Variants in NEDD4 observed in about 807,000 individuals in gnomAD.
NEDD4 encodes E3 ubiquitin-protein ligase NEDD4.
A neutral mutation model predicts 144.9 loss-of-function variants in NEDD4; 99 were observed. That is an observed-to-expected ratio of 0.68 (90% CI 0.58 to 0.81). NEDD4 has a LOEUF of 0.81. Among genes scored for constraint, NEDD4 ranks in the 30% least tolerant of loss-of-function variants. NEDD4 has a pLI of 0.00. For missense variants in NEDD4, 985 were observed against 1,065.9 expected (o/e 0.92, Z 1.06); for synonymous variants, 318 against 350.6 (o/e 0.91, Z 1.04).
intron 1 of NEDD4, among the ~76,000 whole-genome samples, chr15:55,979,263 G>A (rs7177177): frequency 0.14 from 20,232 of 147,678 alleles, 1,514 homozygotes; most frequent in East Asian, 0.33. Context: ...AACTGTAAAA[G>A]CACACACAGA....
intron 4 of NEDD4, among the ~76,000 whole-genome samples, chr15:55,936,022 T>C (rs2036883225): frequency 6.6e-6 from 1 of 151,990 alleles, no homozygotes; most frequent in African/African-American, 2.4e-5. Context: ...ACCAACCTTC[T>C]TCTATGCTTC....
At chr15:55,839,986 A>G (rs2033397082) in intron 21 of NEDD4, among the ~76,000 whole-genome samples, 2 of 51,462 alleles carry the variant, frequency 3.9e-5, no homozygotes, top group Non-Finnish European at 7.1e-5. Flanking sequence ...AAAAAAAAAA[A>G]AAAAAAAAAA....
At chr15:55,870,658 T>C (rs928705721) in intron 7 of NEDD4, among the ~76,000 whole-genome samples, 13 of 151,636 alleles carry the variant, frequency 8.6e-5, no homozygotes, top group African/African-American at 3.1e-4. Context: ...CTTAGCCTCC[T>C]AAATAACTGG....
chr15:55,915,225 A>C, intron 5 of NEDD4: 1 of 1,440,514 alleles, frequency 6.9e-7, no homozygotes, highest in Non-Finnish European at 9.3e-7. Context: ...TGTTCTCCAA[A>C]TATTTCATTA....
chr15:55,892,614 G>A (rs1223401796), intron 5 of NEDD4, among the ~76,000 whole-genome samples: 2 of 151,130 alleles, frequency 1.3e-5, no homozygotes, highest in African/African-American at 4.9e-5. Context: ...CACATACACC[G>A]AGTACAAAAT....
intron 1 of NEDD4, among the ~76,000 whole-genome samples, chr15:55,979,917 CT>C (rs11425037): frequency 2.9e-4 from 42 of 146,330 alleles, no homozygotes; most frequent in Middle Eastern, 3.5e-3. Context: ...ATAATTATTA[CT>C]TTTTTTTTTT....
intron 21 of NEDD4, among the ~76,000 whole-genome samples, chr15:55,840,127 G>A (rs2141980824): frequency 6.8e-6 from 1 of 147,070 alleles, no homozygotes; most frequent in African/African-American, 2.5e-5. Flanking sequence ...TTAGTGGGAT[G>A]TTTAATGTTA....
chr15:55,859,494 GA>G (rs1313787789), intron 11 of NEDD4, among the ~76,000 whole-genome samples: 13 of 152,158 alleles, frequency 8.5e-5, no homozygotes, highest in African/African-American at 3.1e-4. Flanking sequence ...AGGAGTTCAA[GA>G]CTAGCCTGGC....
intron 1 of NEDD4, among the ~76,000 whole-genome samples, chr15:55,975,802 A>T (rs2037689400): frequency 1.3e-5 from 2 of 152,244 alleles, no homozygotes; most frequent in South Asian, 2.1e-4. Flanking sequence ...ATGGAATCAC[A>T]AAAGACCCAG....
chr15:55,984,988 A>G (rs1335883440), intron 1 of NEDD4, among the ~76,000 whole-genome samples: 1 of 152,232 alleles, frequency 6.6e-6, no homozygotes, highest in Admixed American at 6.5e-5. Context: ...ATGCTATAGA[A>G]TATTTCTGAG....
At chr15:55,837,014 ATCTG>A (rs368738664) in intron 24 of NEDD4, among the ~76,000 whole-genome samples, 3 of 152,320 alleles carry the variant, frequency 2.0e-5, no homozygotes, top group African/African-American at 4.8e-5. Flanking sequence ...TGCTCTGACA[ATCTG>A]TCTACCAATT....
intron 1 of NEDD4, among the ~76,000 whole-genome samples, chr15:55,986,301 T>C (rs145565453): frequency 6.6e-6 from 1 of 152,278 alleles, no homozygotes; most frequent in African/African-American, 2.4e-5. Context: ...AATCTTACGA[T>C]ATGTCCCCTG....
At chr15:55,870,300 A>C (rs942959961) in intron 7 of NEDD4, among the ~76,000 whole-genome samples, 1 of 152,164 alleles carries the variant, frequency 6.6e-6, no homozygotes, top group Non-Finnish European at 1.5e-5. Context: ...GGATGACAGA[A>C]GAGTAGAGGG....
At chr15:55,899,398 T>G (rs1297195823) in intron 5 of NEDD4, among the ~76,000 whole-genome samples, 2 of 152,228 alleles carry the variant, frequency 1.3e-5, no homozygotes, top group African/African-American at 2.4e-5. Context: ...TATAAACAGT[T>G]TTTAAGATTT....
chr15:55,874,058 T>C (rs2034904164), intron 5 of NEDD4, 50 bp from the exon 6 acceptor site: 1 of 1,097,950 alleles, frequency 9.1e-7, no homozygotes, highest in East Asian at 2.6e-5. Context: ...TCAATTCCTT[T>C]AGAAGAGTTT....
At chr15:55,878,786 CAT>C (rs1344528203) in intron 5 of NEDD4, among the ~76,000 whole-genome samples, 10 of 152,334 alleles carry the variant, frequency 6.6e-5, no homozygotes, top group African/African-American at 2.2e-4. Context: ...TACAAAATAA[CAT>C]ATATAAATCT....
chr15:55,895,907 T>C (rs1245690747), intron 5 of NEDD4, among the ~76,000 whole-genome samples: 1 of 152,220 alleles, frequency 6.6e-6, no homozygotes, highest in Admixed American at 6.5e-5. Flanking sequence ...TAATGTGCAC[T>C]GTGGTATTCC....
At chr15:55,893,533 C>T (rs1176822159) in intron 5 of NEDD4, among the ~76,000 whole-genome samples, 1 of 151,456 alleles carries the variant, frequency 6.6e-6, no homozygotes, top group Non-Finnish European at 1.5e-5. Context: ...TATCTAAGAA[C>T]CTCTTTGCTT....
In NEDD4 at chr15:55,848,369, T is replaced by G. The variant is rs780216275; in HGVS notation, c.1542+3A>C. ...ATCAGAGCACACTGGCAGAGAGACT[T>G]ACTGGTCCAGTTATTGCTACATTCT... On this transcript the variant is annotated splice_donor_region_variant and intron_variant, in intron 17 of 28. Coordinates refer to ENST00000435532, the MANE Select transcript of NEDD4 (RefSeq NM_006154.4). The G allele has an allele frequency of 3.1e-5, 50 of 1,613,838 alleles. No individual in the cohort carries two copies. Among genetic ancestry groups the G allele is most frequent in the Non-Finnish European group, 4.0e-5 (47 of 1,179,810 alleles).
Sources: allele counts gnomAD v4.1 joint callset (sites outside exome capture counted in the v4.1 genomes callset), GRCh38; gene constraint gnomAD v4.1.1; transcripts MANE v1.5; gene names NCBI Gene and HGNC (gene_info 2026-07-23, HGNC 2026-07-21).